The following ATF6 variants were observed in gnomAD, a reference collection of about 807,000 sequenced individuals.
The protein encoded by ATF6 is activating transcription factor 6.
In ATF6, 53 loss-of-function variants were observed where a neutral mutation model predicts 83.6. The observed-to-expected ratio is 0.63, with a 90% CI of 0.51 to 0.80. The LOEUF is 0.80. Ranked by LOEUF, ATF6 falls within the 30% of genes least tolerant of loss-of-function variation. ATF6 has a pLI of 0.00. For synonymous variants in ATF6, 288 were observed against 285.8 expected, an observed-to-expected ratio of 1.01 and a Z score of -0.08; for missense variants, 744 against 797.9, an observed-to-expected ratio of 0.93 and a Z score of 0.81.
In ATF6 at chr1:161,963,516, C is replaced by G. The variant is rs1048172783; in HGVS notation, c.*4862C>G. ...AATCATAATTTATCATTTGCCAAGG[C>G]CAACAAACAACACTATTGTGCTGTT... On this transcript the variant is annotated 3_prime_UTR_variant, in exon 16 of 16. Transcript: ENST00000367942. 3 of 152,144 alleles carry G rather than the reference C, an allele frequency of 2.0e-5. No homozygotes were observed. Among genetic ancestry groups the G allele is most frequent in the Non-Finnish European group, 4.4e-5 (3 of 68,022 alleles). The allele number at this position is 152,144 out of a possible 1,614,324, so 9.4% of individuals were successfully genotyped here.
intron 8 of ATF6, 77 bp downstream of exon 8, chr1:161,819,895 T>A: frequency 7.9e-7 from 1 of 1,273,608 alleles, no homozygotes; most frequent in Non-Finnish European, 1.0e-6. Flanking sequence ...ACTTTTACAT[T>A]TTAAATTAAA....
chr1:161,863,593 G>T (rs752996615), intron 14 of ATF6, among the ~76,000 whole-genome samples: 22 of 152,230 alleles, frequency 1.4e-4, no homozygotes, highest in South Asian at 1.2e-3. Context: ...TAGCCATGCT[G>T]TTTATAAAAA....
intron 2 of ATF6, 128 bp downstream of exon 2, chr1:161,778,448 C>A: frequency 1.5e-6 from 1 of 662,250 alleles, no homozygotes; most frequent in Non-Finnish European, 2.6e-6. Context: ...TAGCTTCTAC[C>A]ATTAAGTATG....
intron 4 of ATF6, among the ~76,000 whole-genome samples, chr1:161,785,894 A>G (rs1200990070): frequency 6.6e-6 from 1 of 151,898 alleles, no homozygotes; most frequent in African/African-American, 2.4e-5. Context: ...TGGTTAAATA[A>G]TATCTATTCA....
At chr1:161,912,213 G>T in intron 14 of ATF6, 83 bp from the exon 15 acceptor site, 1 of 766,904 alleles carries the variant, frequency 1.3e-6, no homozygotes. Flanking sequence ...ACGAAATATT[G>T]ACCTCTTAGA....
At chr1:161,770,520 T>G (rs7553368) in intron 1 of ATF6, among the ~76,000 whole-genome samples, 1 of 152,086 alleles carries the variant, frequency 6.6e-6, no homozygotes, top group African/African-American at 2.4e-5. Context: ...TGTCCTCACA[T>G]GGCACTGAGA....
chr1:161,852,930 T>C (rs1447277186), intron 11 of ATF6, among the ~76,000 whole-genome samples: 1 of 152,196 alleles, frequency 6.6e-6, no homozygotes, highest in Non-Finnish European at 1.5e-5. Flanking sequence ...GAAATACTTT[T>C]TTTGGTGGAA....
intron 9 of ATF6, among the ~76,000 whole-genome samples, chr1:161,833,445 T>C (rs1362764023): frequency 1.3e-5 from 2 of 151,750 alleles, no homozygotes; most frequent in African/African-American, 4.8e-5. Context: ...CTTCAGAAGA[T>C]CAAACTACTC....
At chr1:161,947,238 A>T (rs1225610610) in intron 15 of ATF6, among the ~76,000 whole-genome samples, 1 of 152,210 alleles carries the variant, frequency 6.6e-6, no homozygotes, top group Non-Finnish European at 1.5e-5. Flanking sequence ...AGGGATTTGT[A>T]GCCAAGGAGC....
At chr1:161,795,694 G>A (rs897272634) in intron 6 of ATF6, among the ~76,000 whole-genome samples, 2 of 152,202 alleles carry the variant, frequency 1.3e-5, no homozygotes, top group Non-Finnish European at 2.9e-5. Context: ...TTTTGAGCAT[G>A]CTAAAATGGA....
chr1:161,901,045 C>T (rs1687776605), intron 14 of ATF6, among the ~76,000 whole-genome samples: 2 of 151,950 alleles, frequency 1.3e-5, no homozygotes, highest in Non-Finnish European at 2.9e-5. Flanking sequence ...ATTCTTCTGT[C>T]GTATTAAGCA....
chr1:161,812,753 A>G (rs1291069770), intron 7 of ATF6, among the ~76,000 whole-genome samples: 3 of 149,484 alleles, frequency 2.0e-5, no homozygotes, highest in East Asian at 2.0e-4. Flanking sequence ...TGTGAGGTAC[A>G]TTGTTGATGG....
intron 14 of ATF6, among the ~76,000 whole-genome samples, chr1:161,896,605 G>A (rs1191079651): frequency 1.3e-5 from 2 of 152,116 alleles, no homozygotes; most frequent in Non-Finnish European, 2.9e-5. Flanking sequence ...AACCTAGCTG[G>A]TGCAGATGAA....
In ATF6 at chr1:161,854,427, G is replaced by GTTTA. The variant is rs771644984; in HGVS notation, c.1533+1105_1533+1108dup. Among the ~76,000 whole-genome samples, 24 of 152,338 alleles carry GTTTA rather than the reference G, an allele frequency of 1.6e-4. No homozygotes were observed. In the East Asian group the frequency reaches 3.9e-3, roughly 24 times the overall value. ...GAATCAGGCCTGGCTTTTAGCCAATGTTTAGTTGGCTAAAACTCTGTCACT... is the reference window on the plus strand; with the variant it reads ...GAATCAGGCCTGGCTTTTAGCCAATGTTTATTTAGTTGGCTAAAACTCTGTCACT... On this transcript the variant is annotated intron_variant, in intron 12 of 15. Transcript: ENST00000367942.
chr1:161,944,172 TA>T (rs752373669), intron 15 of ATF6, among the ~76,000 whole-genome samples: 3 of 152,216 alleles, frequency 2.0e-5, no homozygotes, highest in Non-Finnish European at 4.4e-5. Flanking sequence ...GAAAAAGTTG[TA>T]AGTTAAGTTC....
intron 14 of ATF6, among the ~76,000 whole-genome samples, chr1:161,871,005 A>G (rs1687112365): frequency 6.6e-6 from 1 of 151,596 alleles, no homozygotes; most frequent in Admixed American, 6.6e-5. Flanking sequence ...GATAAAGTCT[A>G]TTCATTCTGT....
intron 12 of ATF6, 34 bp from the exon 13 acceptor site, chr1:161,860,173 C>T: frequency 6.9e-7 from 1 of 1,439,958 alleles, no homozygotes; most frequent in Admixed American, 2.1e-5. Context: ...TTTTGTGATA[C>T]AGTATTAAAC....
intron 14 of ATF6, among the ~76,000 whole-genome samples, chr1:161,885,676 A>C (rs1177203135): frequency 1.3e-5 from 2 of 152,122 alleles, no homozygotes; most frequent in Non-Finnish European, 2.9e-5. Flanking sequence ...CTTCTGTCTG[A>C]TAAAATTTTA....
chr1:161,906,455 A>G (rs565474623), intron 14 of ATF6, among the ~76,000 whole-genome samples: 3 of 152,348 alleles, frequency 2.0e-5, no homozygotes, highest in Non-Finnish European at 4.4e-5. Flanking sequence ...CACCAAAATG[A>G]CAGTTTTTTA....
Sources: allele counts gnomAD v4.1 joint callset (sites outside exome capture counted in the v4.1 genomes callset), GRCh38; gene constraint gnomAD v4.1.1; transcripts MANE v1.5; gene names NCBI Gene and HGNC (gene_info 2026-07-23, HGNC 2026-07-21).